Variants in HS3ST5 observed in about 807,000 individuals in gnomAD.
HS3ST5 encodes the protein heparan sulfate-glucosamine 3-sulfotransferase 5.
A neutral mutation model predicts 25.4 loss-of-function variants in HS3ST5; 10 were observed. The observed-to-expected ratio is 0.39, with a 90% CI of 0.24 to 0.67. HS3ST5 has a LOEUF of 0.67. Ranked by LOEUF, HS3ST5 falls within the 30% of genes least tolerant of loss-of-function variation. HS3ST5 has a pLI of 0.44. For synonymous variants in HS3ST5, 170 were observed against 162.4 expected (o/e 1.05, Z -0.36); for missense variants, 324 against 420.7 (o/e 0.77, Z 2.01).
intron 3 of HS3ST5, among the ~76,000 whole-genome samples, chr6:114,119,894 C>A (rs568795240): frequency 5.3e-5 from 8 of 152,250 alleles, no homozygotes; most frequent in African/African-American, 1.7e-4. Context: ...AAGAAGTAAT[C>A]CCAGCACTTT....
intron 1 of HS3ST5, among the ~76,000 whole-genome samples, chr6:114,295,325 G>A (rs1283640713): frequency 1.3e-5 from 2 of 152,136 alleles, no homozygotes; most frequent in Non-Finnish European, 2.9e-5. Flanking sequence ...TAAGTGAGTA[G>A]GCATTGATAG....
At chr6:114,144,346 T>G (rs1197835361) in intron 3 of HS3ST5, among the ~76,000 whole-genome samples, 1 of 149,802 alleles carries the variant, frequency 6.7e-6, no homozygotes, top group Non-Finnish European at 1.5e-5. Context: ...TAACTGGATT[T>G]CCCACCAGTC....
chr6:114,298,085 T>C (rs182617551), intron 1 of HS3ST5, among the ~76,000 whole-genome samples: 2 of 152,364 alleles, frequency 1.3e-5, no homozygotes. Context: ...GATCAATTAA[T>C]GTGCTATTTT....
intron 2 of HS3ST5, among the ~76,000 whole-genome samples, chr6:114,188,109 T>A (rs1401328532): frequency 6.6e-6 from 1 of 152,156 alleles, no homozygotes; most frequent in Non-Finnish European, 1.5e-5. Context: ...CAACAGAACC[T>A]GCAATATCTC....
intron 1 of HS3ST5, among the ~76,000 whole-genome samples, chr6:114,233,297 A>C (rs1323282603): frequency 1.3e-5 from 2 of 152,232 alleles, no homozygotes; most frequent in African/African-American, 4.8e-5. Context: ...AATGCCATGC[A>C]AATAGTATGG....
At chr6:114,095,666 C>T (rs1282267374) in intron 3 of HS3ST5, among the ~76,000 whole-genome samples, 1 of 152,124 alleles carries the variant, frequency 6.6e-6, no homozygotes, top group Non-Finnish European at 1.5e-5. Flanking sequence ...TCTACCAGCT[C>T]TCATCATTTC....
chr6:114,165,349 T>C (rs1012635229), intron 3 of HS3ST5, among the ~76,000 whole-genome samples: 2 of 152,170 alleles, frequency 1.3e-5, no homozygotes, highest in African/African-American at 4.8e-5. Flanking sequence ...GGCAATCTTG[T>C]CTAGATTTGC....
intron 1 of HS3ST5, among the ~76,000 whole-genome samples, chr6:114,266,609 G>A (rs901702912): frequency 1.3e-5 from 2 of 152,126 alleles, no homozygotes; most frequent in African/African-American, 4.8e-5. Context: ...ACGAAGAACA[G>A]AAAACAACAT....
At chr6:114,114,450 G>T (rs114542122) in intron 3 of HS3ST5, among the ~76,000 whole-genome samples, 92 of 152,214 alleles carry the variant, frequency 6.0e-4, no homozygotes, top group African/African-American at 2.0e-3. Flanking sequence ...CTTTTCAACA[G>T]AGTCTTAGCT....
intron 1 of HS3ST5, among the ~76,000 whole-genome samples, chr6:114,248,208 G>GA (rs386408321): frequency 0.014 from 1,896 of 135,944 alleles, 48 homozygotes; most frequent in African/African-American, 0.041. Context: ...CTCAAAAAAT[G>GA]AAAAAAAAAA....
intron 3 of HS3ST5, among the ~76,000 whole-genome samples, chr6:114,130,670 C>T (rs1777283778): frequency 6.6e-6 from 1 of 152,120 alleles, no homozygotes; most frequent in South Asian, 2.1e-4. Flanking sequence ...CCTGGGTTCA[C>T]ACCATTCTCC....
At chr6:114,306,256 T>TATGTAC (rs756494412) in intron 1 of HS3ST5, among the ~76,000 whole-genome samples, 17 of 115,418 alleles carry the variant, frequency 1.5e-4, no homozygotes, top group Non-Finnish European at 2.9e-4. Flanking sequence ...TATATATATA[T>TATGTAC]ACACACACAC....
chr6:114,068,028 C>T (rs1021546063), intron 3 of HS3ST5, among the ~76,000 whole-genome samples: 3 of 151,964 alleles, frequency 2.0e-5, no homozygotes, highest in South Asian at 2.1e-4. Context: ...AAAAATGAAA[C>T]ATAATTAATA....
chr6:114,275,827 A>G (rs1274253020), intron 1 of HS3ST5, among the ~76,000 whole-genome samples: 1 of 152,042 alleles, frequency 6.6e-6, no homozygotes, highest in Non-Finnish European at 1.5e-5. Flanking sequence ...AAAAGTATAA[A>G]AACCATTCTC....
intron 3 of HS3ST5, among the ~76,000 whole-genome samples, chr6:114,070,110 G>A (rs374779035): frequency 2.0e-5 from 3 of 151,854 alleles, no homozygotes; most frequent in South Asian, 2.1e-4. Context: ...ACCTTACCCC[G>A]ACCCAGTCCC....
chr6:114,107,916 C>T (rs1289360982), intron 3 of HS3ST5, among the ~76,000 whole-genome samples: 1 of 152,106 alleles, frequency 6.6e-6, no homozygotes, highest in African/African-American at 2.4e-5. Flanking sequence ...TGTCATTTCT[C>T]CTTATATTAA....
At chr6:114,128,817 G>A (rs1424883052) in intron 3 of HS3ST5, among the ~76,000 whole-genome samples, 1 of 152,116 alleles carries the variant, frequency 6.6e-6, no homozygotes, top group African/African-American at 2.4e-5. Flanking sequence ...GAATAAATCT[G>A]GTTCCTTATA....
At chr6:114,258,071 A>T (rs1232690147) in intron 1 of HS3ST5, among the ~76,000 whole-genome samples, 1 of 152,152 alleles carries the variant, frequency 6.6e-6, no homozygotes, top group East Asian at 1.9e-4. Context: ...TTTCTATTTA[A>T]TAAGTTATTA....
chr6:114,108,324 T>C (rs1776091872), intron 3 of HS3ST5, among the ~76,000 whole-genome samples: 1 of 152,074 alleles, frequency 6.6e-6, no homozygotes, highest in African/African-American at 2.4e-5. Flanking sequence ...AAGGTTGAAA[T>C]ACAGAACTAG....
Sources: allele counts gnomAD v4.1 joint callset (sites outside exome capture counted in the v4.1 genomes callset), GRCh38; gene constraint gnomAD v4.1.1; transcripts MANE v1.5; gene names NCBI Gene and HGNC (gene_info 2026-07-23, HGNC 2026-07-21).